PTCHD4: variants seen among roughly 807,000 people sequenced by gnomAD.
PTCHD4 encodes the protein patched domain containing 4.
Under a neutral mutation model 58.1 loss-of-function variants are expected in PTCHD4, and 33 were observed. That is an observed-to-expected ratio of 0.57 (90% CI 0.43 to 0.76). PTCHD4 has a LOEUF of 0.76. PTCHD4 is among the 30% of genes least tolerant of loss of function. The pLI is 0.00. For missense variants in PTCHD4, 1,058 were observed against 1,027.1 expected (o/e 1.03, Z -0.41); for synonymous variants, 478 against 409.6 (o/e 1.17, Z -2.02).
chr6:48,006,393 T>A (rs1279132732), intron 4 of PTCHD4, among the ~76,000 whole-genome samples: 2 of 152,230 alleles, frequency 1.3e-5, no homozygotes, highest in African/African-American at 4.8e-5. Context: ...ATGGAATATG[T>A]AATTGTATGT....
intron 1 of PTCHD4, among the ~76,000 whole-genome samples, chr6:48,088,154 G>A (rs1765297755): frequency 6.6e-6 from 1 of 152,114 alleles, no homozygotes; most frequent in Non-Finnish European, 1.5e-5. Flanking sequence ...AAGGTAGCAT[G>A]TAGTGTTTTG....
At chr6:48,049,423 C>G (rs1166488931) in intron 3 of PTCHD4, among the ~76,000 whole-genome samples, 1 of 151,914 alleles carries the variant, frequency 6.6e-6, no homozygotes, top group Non-Finnish European at 1.5e-5. Flanking sequence ...ATTAGCCTAC[C>G]TTGCCTAGCT....
chr6:47,890,386 A>T (rs1764340090), intron 4 of PTCHD4, among the ~76,000 whole-genome samples: 1 of 152,146 alleles, frequency 6.6e-6, no homozygotes, highest in Non-Finnish European at 1.5e-5. Flanking sequence ...AAATTCCCCC[A>T]GAACAGACTG....
At chr6:47,928,435 C>T (rs1765699116) in intron 4 of PTCHD4, among the ~76,000 whole-genome samples, 1 of 152,178 alleles carries the variant, frequency 6.6e-6, no homozygotes, top group African/African-American at 2.4e-5. Flanking sequence ...CCAAAAAAGT[C>T]TCCCTAAACT....
chr6:48,044,707 A>G (rs1763972838), intron 3 of PTCHD4, among the ~76,000 whole-genome samples: 1 of 151,800 alleles, frequency 6.6e-6, no homozygotes, highest in East Asian at 1.9e-4. Flanking sequence ...GGTATGCTCC[A>G]ATTTTATTTA....
Position 48,069,751 on chromosome 6 carries a change from G to C in PTCHD4, c.-794C>G, listed in dbSNP as rs1054766745. On this transcript the variant is annotated 5_prime_UTR_variant, in exon 2 of 5. Coordinates refer to ENST00000339488, the MANE Select transcript of PTCHD4 (RefSeq NM_001384253.1). ...TCATAACATGTTACATTCACTTTCT[G>C]TATTCTTGAGATTAAAGGACAGAAA... Among the ~76,000 whole-genome samples, 1 of 152,114 alleles carries C rather than the reference G, an allele frequency of 6.6e-6. No homozygotes were observed. The highest frequency in any genetic ancestry group is 2.4e-5 in the African/African-American group (1 of 41,400).
At chr6:48,089,249 T>A (rs1765319517) in intron 1 of PTCHD4, among the ~76,000 whole-genome samples, 1 of 152,128 alleles carries the variant, frequency 6.6e-6, no homozygotes, top group Non-Finnish European at 1.5e-5. Context: ...GCAGACATGG[T>A]TTTAGGAATA....
At chr6:47,975,798 T>G (rs1293885558) in intron 4 of PTCHD4, among the ~76,000 whole-genome samples, 1 of 152,226 alleles carries the variant, frequency 6.6e-6, no homozygotes, top group East Asian at 1.9e-4. Context: ...CCTTGGAAAG[T>G]GCATAGTGTG....
At chr6:48,102,687 G>C (rs981317366) in intron 1 of PTCHD4, among the ~76,000 whole-genome samples, 1 of 152,204 alleles carries the variant, frequency 6.6e-6, no homozygotes, top group South Asian at 2.1e-4. Context: ...GGAAGTGCAA[G>C]GAATTCTCTT....
intron 3 of PTCHD4, among the ~76,000 whole-genome samples, chr6:48,024,406 T>C (rs1763171369): frequency 6.6e-6 from 1 of 152,034 alleles, no homozygotes; most frequent in African/African-American, 2.4e-5. Flanking sequence ...TAGAACTTGC[T>C]CTTAGGTCAA....
At chr6:48,078,730 T>C (rs1765105468) in intron 1 of PTCHD4, among the ~76,000 whole-genome samples, 1 of 152,200 alleles carries the variant, frequency 6.6e-6, no homozygotes, top group Admixed American at 6.5e-5. Flanking sequence ...TTTTCTGAAA[T>C]GTTTTTAACA....
intron 3 of PTCHD4, among the ~76,000 whole-genome samples, chr6:48,034,405 T>G (rs1763556315): frequency 6.6e-6 from 1 of 151,990 alleles, no homozygotes; most frequent in African/African-American, 2.4e-5. Flanking sequence ...GGCATTTGGG[T>G]GTGGGCCTTG....
rs552965959 is a variant in PTCHD4, at chr6:48,077,949, T to C, written c.-969-8023A>G. ...ATTAATTTAAAAGTTTGAAATGTGA[T>C]ATCTAGACACAAAGTGAGCACATGC... On this transcript the variant is annotated intron_variant, in intron 1 of 4. Coordinates refer to ENST00000339488, the MANE Select transcript of PTCHD4 (RefSeq NM_001384253.1). Among the ~76,000 whole-genome samples, 26 of 152,298 alleles carry C rather than the reference T, an allele frequency of 1.7e-4. No individual in the cohort carries two copies. The South Asian group carries it at 3.9e-3, about 23-fold the overall frequency.
intron 3 of PTCHD4, among the ~76,000 whole-genome samples, chr6:48,045,846 C>T (rs561437037): frequency 2.0e-5 from 3 of 151,470 alleles, no homozygotes; most frequent in Non-Finnish European, 4.4e-5. Flanking sequence ...ATCTTCATTC[C>T]CTCAGGGTCC....
chr6:47,990,877 T>C (rs910089235), intron 4 of PTCHD4, among the ~76,000 whole-genome samples: 2 of 152,202 alleles, frequency 1.3e-5, no homozygotes, highest in Admixed American at 1.3e-4. Context: ...ATTTAATGAA[T>C]ATGTTTAGCT....
chr6:47,991,019 T>A (rs535419243), intron 4 of PTCHD4, among the ~76,000 whole-genome samples: 126 of 152,038 alleles, frequency 8.3e-4, no homozygotes, highest in Non-Finnish European at 1.6e-3. Context: ...CAAAAGGAAG[T>A]ATAAAAGACA....
chr6:47,969,667 T>C (rs576266978), intron 4 of PTCHD4, among the ~76,000 whole-genome samples: 2 of 152,290 alleles, frequency 1.3e-5, no homozygotes, highest in Non-Finnish European at 2.9e-5. Flanking sequence ...GAAGGAAATA[T>C]TCTTTTAGGG....
intron 4 of PTCHD4, among the ~76,000 whole-genome samples, chr6:48,007,783 C>T (rs1455734520): frequency 1.3e-5 from 2 of 152,196 alleles, no homozygotes; most frequent in Non-Finnish European, 2.9e-5. Flanking sequence ...TAGGGAATTA[C>T]ATCACACCTG....
At chr6:48,091,305 A>G (rs1765361718) in intron 1 of PTCHD4, among the ~76,000 whole-genome samples, 1 of 152,006 alleles carries the variant, frequency 6.6e-6, no homozygotes, top group Admixed American at 6.5e-5. Flanking sequence ...AATAAAAATG[A>G]ATAAAAATGA....
Sources: gnomAD v4.1 joint callset for allele counts (sites outside exome capture counted in the v4.1 genomes callset) on GRCh38, gnomAD v4.1.1 for gene constraint, MANE v1.5 for transcripts, NCBI Gene and HGNC (gene_info 2026-07-23, HGNC 2026-07-21) for gene names.